The following ADK variants were observed in gnomAD, a reference collection of about 807,000 sequenced individuals.
The protein encoded by ADK is N6,N6-dimethyladenosine kinase.
In ADK, 24 loss-of-function variants were observed where a neutral mutation model predicts 44.7. That is an observed-to-expected ratio of 0.54 (90% CI 0.39 to 0.76). The LOEUF is 0.76. Among genes scored for constraint, ADK ranks in the 30% least tolerant of loss-of-function variants. The pLI is 0.00. For synonymous variants in ADK, 128 were observed against 142.6 expected (o/e 0.90, Z 0.73); for missense variants, 321 against 425.1 (o/e 0.76, Z 2.15).
intron 7 of ADK, among the ~76,000 whole-genome samples, chr10:74,572,537 C>G (rs1426477751): frequency 4.6e-5 from 7 of 152,138 alleles, no homozygotes; most frequent in African/African-American, 1.7e-4. Flanking sequence ...TTTGCTGAAT[C>G]TGAATGTTGG....
chr10:74,371,645 C>A, intron 4 of ADK: 1 of 1,005,982 alleles, frequency 9.9e-7, no homozygotes, highest in Non-Finnish European at 1.6e-6. Flanking sequence ...TGGAACAGTA[C>A]ATCTCTATAA....
rs141057817 is a variant in ADK at position 74,339,500 on chromosome 10, A to G, written c.273+24755A>G. On this transcript the variant is annotated intron_variant, in intron 4 of 10. Transcript: ENST00000539909. ...TTACCAATTTGTGCCCATTTCACGT[A>G]TCTCAGCCTATATCCCTTTTTCATG... is the stretch of plus-strand genomic sequence containing the variant. Among the ~76,000 whole-genome samples the G allele has an allele frequency of 5.4e-3, 818 of 152,276 alleles. 7 individuals carry two copies. Among genetic ancestry groups the G allele is most frequent in the African/African-American group, 0.018 (758 of 41,552 alleles).
chr10:74,401,860 T>C (rs1843726122), intron 6 of ADK, among the ~76,000 whole-genome samples: 1 of 152,186 alleles, frequency 6.6e-6, no homozygotes, highest in African/African-American at 2.4e-5. Flanking sequence ...ATGTAGCATG[T>C]TTTTGCAGTG....
At chr10:74,271,644 T>C (rs540013793) in intron 3 of ADK, among the ~76,000 whole-genome samples, 5 of 135,284 alleles carry the variant, frequency 3.7e-5, no homozygotes, top group African/African-American at 1.1e-4. Flanking sequence ...TTCCCATCTA[T>C]GAGTGAGAAC....
intron 6 of ADK, among the ~76,000 whole-genome samples, chr10:74,502,125 C>A (rs927365757): frequency 5.3e-5 from 8 of 152,204 alleles, no homozygotes; most frequent in Non-Finnish European, 7.4e-5. Context: ...TACTATATAT[C>A]ACTAAGATTG....
At chr10:74,253,787 A>T (rs1449810253) in intron 3 of ADK, among the ~76,000 whole-genome samples, 4 of 137,662 alleles carry the variant, frequency 2.9e-5, no homozygotes, top group African/African-American at 1.1e-4. Flanking sequence ...TTTTTTTTTA[A>T]GATGGAGTCT....
intron 6 of ADK, among the ~76,000 whole-genome samples, chr10:74,456,219 A>G (rs1330647908): frequency 1.3e-5 from 2 of 152,132 alleles, no homozygotes; most frequent in Non-Finnish European, 2.9e-5. Flanking sequence ...TCTCCACCCC[A>G]AATCAACAGA....
chr10:74,559,966 G>A (rs1053883351), intron 7 of ADK, among the ~76,000 whole-genome samples: 6 of 151,048 alleles, frequency 4.0e-5, no homozygotes, highest in African/African-American at 1.2e-4. Context: ...TTGCTTTGTC[G>A]TGCAGGCTGG....
Position 74,589,335 on chromosome 10 carries a change from T to G in ADK, c.762+18T>G. The G allele has an allele frequency of 6.2e-7, 1 of 1,613,376 alleles. No individual in the cohort carries two copies. The highest frequency in any genetic ancestry group is 8.5e-7 in the Non-Finnish European group (1 of 1,179,418). On this transcript the variant is annotated intron_variant, in intron 8 of 10. Coordinates refer to ENST00000539909, the MANE Select transcript of ADK (RefSeq NM_006721.4). ...GCTTTGAGGTGAGTTAACCCACAAT[T>G]GCACACTAAACAGATCCTAAAGGTT...
intron 2 of ADK, among the ~76,000 whole-genome samples, chr10:74,210,330 G>GAAAAAAAAAA (rs57852507): frequency 7.1e-5 from 6 of 84,868 alleles, no homozygotes; most frequent in Non-Finnish European, 1.1e-4. Context: ...TCCATCTCAG[G>GAAAAAAAAAA]AAAAAAAAAA....
intron 9 of ADK, among the ~76,000 whole-genome samples, chr10:74,650,163 T>C (rs1033436879): frequency 6.6e-6 from 1 of 152,202 alleles, no homozygotes; most frequent in Non-Finnish European, 1.5e-5. Flanking sequence ...CTTATGCCTG[T>C]AGTCCCAACA....
At chr10:74,208,550 A>G (rs1280180745) in intron 2 of ADK, among the ~76,000 whole-genome samples, 1 of 152,174 alleles carries the variant, frequency 6.6e-6, no homozygotes, top group Admixed American at 6.5e-5. Flanking sequence ...TTGAAGATAA[A>G]AAACAAGTCT....
intron 3 of ADK, among the ~76,000 whole-genome samples, chr10:74,226,399 C>T (rs34868542): frequency 0.43 from 65,906 of 152,072 alleles, 17,281 homozygotes; most frequent in Non-Finnish European, 0.59. Context: ...CTTGAGCCAC[C>T]GTGCCCAGCC....
chr10:74,206,798 G>A (rs1345913877), intron 2 of ADK, among the ~76,000 whole-genome samples: 1 of 152,162 alleles, frequency 6.6e-6, no homozygotes, highest in African/African-American at 2.4e-5. Context: ...TCAGGCAAAT[G>A]TGATCAGAGT....
chr10:74,467,875 A>G (rs1279445284), intron 6 of ADK, among the ~76,000 whole-genome samples: 1 of 152,208 alleles, frequency 6.6e-6, no homozygotes, highest in African/African-American at 2.4e-5. Flanking sequence ...ATATTTTAAT[A>G]AACATTTTTA....
chr10:74,418,492 T>C (rs909122933), intron 6 of ADK, among the ~76,000 whole-genome samples: 12 of 152,206 alleles, frequency 7.9e-5, no homozygotes, highest in African/African-American at 2.2e-4. Flanking sequence ...GGTGGCAGTC[T>C]GTTGCTAGGA....
chr10:74,656,167 G>C (rs1564839037), intron 9 of ADK: 1 of 283,260 alleles, frequency 3.5e-6, no homozygotes. Flanking sequence ...GGCGGCTGCT[G>C]TCTGCTCCAG....
rs1419866852 is a variant in ADK, at chr10:74,617,025, T to G, written c.877+16532T>G. Among the ~76,000 whole-genome samples, 6 of 152,312 alleles carry G rather than the reference T, an allele frequency of 3.9e-5. No homozygotes were observed. In the East Asian group the frequency reaches 1.2e-3, roughly 29 times the overall value. On this transcript the variant is annotated intron_variant, in intron 9 of 10. Transcript: ENST00000539909. ...ATTTGTTTTTTACTGGTATATAGATTTCTAAATAATGATCTTTTTCACATA... is the reference window on the plus strand; with the variant it reads ...ATTTGTTTTTTACTGGTATATAGATGTCTAAATAATGATCTTTTTCACATA...
intron 3 of ADK, among the ~76,000 whole-genome samples, chr10:74,296,309 A>G (rs1404121781): frequency 3.9e-5 from 6 of 152,150 alleles, no homozygotes; most frequent in Non-Finnish European, 8.8e-5. Context: ...TGAGTTTCTA[A>G]AAGTCAATAA....
Sources: allele counts gnomAD v4.1 joint callset (sites outside exome capture counted in the v4.1 genomes callset), GRCh38; gene constraint gnomAD v4.1.1; transcripts MANE v1.5; gene names NCBI Gene and HGNC (gene_info 2026-07-23, HGNC 2026-07-21).